Variants in CCBE1 observed in about 807,000 individuals in gnomAD.
The protein encoded by CCBE1 is collagen and calcium-binding EGF domain-containing protein 1.
A neutral mutation model predicts 50.0 loss-of-function variants in CCBE1; 37 were observed. The observed-to-expected ratio is 0.74, with a 90% CI of 0.57 to 0.97. The LOEUF is 0.97. CCBE1 is among the 50% of genes least tolerant of loss of function. CCBE1 has a pLI of 0.00. For synonymous variants in CCBE1, 234 were observed against 203.7 expected (o/e 1.15, Z -1.27); for missense variants, 538 against 523.8 (o/e 1.03, Z -0.26).
chr18:59,608,886 T>C (rs758675883), intron 2 of CCBE1, among the ~76,000 whole-genome samples: 28 of 152,212 alleles, frequency 1.8e-4, no homozygotes, highest in Non-Finnish European at 2.9e-4. Context: ...GTCGTCTATA[T>C]GTGTCATCTC....
chr18:59,461,268 T>C (rs1283258707), intron 5 of CCBE1, among the ~76,000 whole-genome samples: 1 of 151,496 alleles, frequency 6.6e-6, no homozygotes, highest in Non-Finnish European at 1.5e-5. Context: ...CCACTGGCCC[T>C]TGCTGGGCCA....
chr18:59,525,486 G>T (rs988507693), intron 2 of CCBE1, among the ~76,000 whole-genome samples: 17 of 152,096 alleles, frequency 1.1e-4, no homozygotes, highest in African/African-American at 4.1e-4. Flanking sequence ...GTTCCTCGTA[G>T]ATTCTGAATA....
At chr18:59,439,159 C>T (rs1218802950) in intron 9 of CCBE1, among the ~76,000 whole-genome samples, 4 of 152,116 alleles carry the variant, frequency 2.6e-5, no homozygotes, top group Admixed American at 6.5e-5. Flanking sequence ...TGGTGGCGGT[C>T]GCCTGTAGTC....
intron 2 of CCBE1, among the ~76,000 whole-genome samples, chr18:59,589,950 C>T (rs538687712): frequency 2.3e-4 from 35 of 152,166 alleles, no homozygotes; most frequent in African/African-American, 8.2e-4. Context: ...TTCCATAGTG[C>T]TAAGAAAAAG....
Position 59,432,322 on chromosome 18 carries a change from A to G in CCBE1, c.*3586T>C, listed in dbSNP as rs1568134562. 2 of 152,138 alleles carry G rather than the reference A, an allele frequency of 1.3e-5. No homozygotes were observed. The highest frequency in any genetic ancestry group is 2.9e-5 in the Non-Finnish European group (2 of 68,040). 9.4% of individuals were successfully genotyped at this position (152,138 alleles called of 1,614,324 possible). On this transcript the variant is annotated 3_prime_UTR_variant, in exon 11 of 11. Transcript: ENST00000439986. ...TGCTTTCCAAGAACAGAGGCAACTTATGAGGTCCTGTGAAGAGGGTGCAAA... is the reference window on the plus strand; with the variant it reads ...TGCTTTCCAAGAACAGAGGCAACTTGTGAGGTCCTGTGAAGAGGGTGCAAA...
At chr18:59,449,330 C>G (rs1037042719) in intron 6 of CCBE1, among the ~76,000 whole-genome samples, 4 of 152,024 alleles carry the variant, frequency 2.6e-5, no homozygotes, top group African/African-American at 9.7e-5. Flanking sequence ...AGCAGAAATG[C>G]TGTCTGGGGG....
intron 2 of CCBE1, among the ~76,000 whole-genome samples, chr18:59,682,858 A>G (rs1403204667): frequency 2.0e-5 from 3 of 152,252 alleles, no homozygotes; most frequent in Non-Finnish European, 4.4e-5. Context: ...AAATATTGCC[A>G]TGATCATAAA....
At chr18:59,529,336 C>T (rs1045160627) in intron 2 of CCBE1, among the ~76,000 whole-genome samples, 1 of 152,184 alleles carries the variant, frequency 6.6e-6, no homozygotes, top group Admixed American at 6.5e-5. Flanking sequence ...GGGAAAATGG[C>T]AGACTGGAGC....
chr18:59,550,299 C>T (rs960104344), intron 2 of CCBE1, among the ~76,000 whole-genome samples: 2 of 152,198 alleles, frequency 1.3e-5, no homozygotes, highest in African/African-American at 4.8e-5. Flanking sequence ...CAGCCATACT[C>T]ATTTGTTTCC....
At chr18:59,687,211 A>G (rs117139721) in intron 2 of CCBE1, among the ~76,000 whole-genome samples, 2 of 152,362 alleles carry the variant, frequency 1.3e-5, no homozygotes, top group East Asian at 3.9e-4. Context: ...TGGCTTACAG[A>G]TGCCCTCCAA....
At chr18:59,559,068 G>C (rs772561233) in intron 2 of CCBE1, among the ~76,000 whole-genome samples, 23 of 152,318 alleles carry the variant, frequency 1.5e-4, no homozygotes, top group Non-Finnish European at 3.2e-4. Flanking sequence ...GTCCCTGAGG[G>C]CTCCTAGGTT....
intron 2 of CCBE1, among the ~76,000 whole-genome samples, chr18:59,694,106 A>G (rs60136299): frequency 0.053 from 7,979 of 151,932 alleles, 688 homozygotes; most frequent in African/African-American, 0.18. Flanking sequence ...TCTTGACCTC[A>G]TGACCCACCC....
chr18:59,581,207 C>G (rs1461452043), intron 2 of CCBE1, among the ~76,000 whole-genome samples: 6 of 152,112 alleles, frequency 3.9e-5, no homozygotes, highest in Non-Finnish European at 8.8e-5. Flanking sequence ...CACTGGGAGG[C>G]TGAGGTAGGC....
chr18:59,596,073 TTTTG>T (rs1347166036), intron 2 of CCBE1, among the ~76,000 whole-genome samples: 1 of 152,206 alleles, frequency 6.6e-6, no homozygotes, highest in Non-Finnish European at 1.5e-5. Flanking sequence ...ACATGAACAA[TTTTG>T]TTTAAAACAA....
At chr18:59,645,197 C>T (rs1264648097) in intron 2 of CCBE1, among the ~76,000 whole-genome samples, 1 of 152,102 alleles carries the variant, frequency 6.6e-6, no homozygotes, top group Non-Finnish European at 1.5e-5. Flanking sequence ...CCACTGCACT[C>T]CAGCCTGGAA....
chr18:59,503,315 G>T (rs1369358215), intron 2 of CCBE1, among the ~76,000 whole-genome samples: 1 of 152,172 alleles, frequency 6.6e-6, no homozygotes, highest in Non-Finnish European at 1.5e-5. Flanking sequence ...ATGTTATGGA[G>T]CCGATCAACC....
chr18:59,655,977 C>T (rs1482281771), intron 2 of CCBE1, among the ~76,000 whole-genome samples: 1 of 152,174 alleles, frequency 6.6e-6, no homozygotes, highest in Non-Finnish European at 1.5e-5. Context: ...ATAACCTGGT[C>T]CGGCTGGCAA....
At chr18:59,500,626 T>G (rs1913573307) in intron 2 of CCBE1, among the ~76,000 whole-genome samples, 1 of 152,140 alleles carries the variant, frequency 6.6e-6, no homozygotes, top group Non-Finnish European at 1.5e-5. Context: ...TGATAAAACC[T>G]GGAAATCCAG....
chr18:59,522,622 G>T (rs1337803828), intron 2 of CCBE1, among the ~76,000 whole-genome samples: 2 of 152,074 alleles, frequency 1.3e-5, no homozygotes, highest in Non-Finnish European at 2.9e-5. Context: ...AACAAATACT[G>T]GAATACCTGA....
Sources: gnomAD v4.1 joint callset for allele counts (sites outside exome capture counted in the v4.1 genomes callset) on GRCh38, gnomAD v4.1.1 for gene constraint, MANE v1.5 for transcripts, NCBI Gene and HGNC (gene_info 2026-07-23, HGNC 2026-07-21) for gene names.